PPP2R2B: variants seen among roughly 807,000 people sequenced by gnomAD.
The protein encoded by PPP2R2B is protein phosphatase 2 regulatory subunit Bbeta.
PPP2R2B carries 5 observed loss-of-function variants against 46.0 expected under a neutral mutation model. The ratio of observed to expected loss-of-function variants is 0.11; its 90% CI spans 0.06 to 0.23. The LOEUF is 0.23. Among genes scored for constraint, PPP2R2B ranks in the 10% least tolerant of loss-of-function variants. The pLI, the probability that PPP2R2B is intolerant of heterozygous loss-of-function variation, is 1.00. For synonymous variants in PPP2R2B, 215 were observed against 206.7 expected, an observed-to-expected ratio of 1.04 and a Z score of -0.34; for missense variants, 367 against 575.0, an observed-to-expected ratio of 0.64 and a Z score of 3.70.
At chr5:146,610,119 A>C (rs1436218555) in intron 7 of PPP2R2B, among the ~76,000 whole-genome samples, 2 of 52,614 alleles carry the variant, frequency 3.8e-5, no homozygotes, top group Non-Finnish European at 6.3e-5. Context: ...TGAAGAGAGC[A>C]GTGGTTCTCC....
rs184017685 is a variant in PPP2R2B, at chr5:146,810,377, G to A, written c.70+67625C>T. On this transcript the variant is annotated intron_variant, in intron 2 of 9. Coordinates refer to ENST00000394411, the MANE Select transcript of PPP2R2B (RefSeq NM_181675.4). ...TCCCGTTATAAAACCATCAGATTGCGTGAGACTTACTCACTACCATGAAAA... is the reference window on the plus strand; with the variant it reads ...TCCCGTTATAAAACCATCAGATTGCATGAGACTTACTCACTACCATGAAAA... 1.1e-4 allele frequency among the ~76,000 whole-genome samples: 16 copies of A among 152,254 alleles called. No individual in the cohort carries two copies. The East Asian group carries it at 1.2e-3, about 11-fold the overall frequency.
chr5:146,816,852 T>C (rs550481802), intron 2 of PPP2R2B, among the ~76,000 whole-genome samples: 1 of 152,326 alleles, frequency 6.6e-6, no homozygotes, highest in East Asian at 1.9e-4. Flanking sequence ...ACAGTCAGTT[T>C]GGGTGGGGCC....
At chr5:146,735,339 C>T (rs1456107076) in intron 2 of PPP2R2B, among the ~76,000 whole-genome samples, 1 of 151,358 alleles carries the variant, frequency 6.6e-6, no homozygotes, top group Non-Finnish European at 1.5e-5. Context: ...CCCCCACAAT[C>T]CTTCTACTCT....
chr5:146,671,370 G>A (rs770725556), intron 5 of PPP2R2B, among the ~76,000 whole-genome samples: 23 of 152,142 alleles, frequency 1.5e-4, no homozygotes, highest in Admixed American at 3.9e-4. Context: ...ATTAAGAACC[G>A]CTAAATGGTG....
intron 2 of PPP2R2B, among the ~76,000 whole-genome samples, chr5:147,080,202 C>A (rs996860720): frequency 6.6e-6 from 1 of 152,140 alleles, no homozygotes; most frequent in African/African-American, 2.4e-5. Flanking sequence ...AGTTCACATG[C>A]ATTTATGCAT....
chr5:146,638,521 T>G, intron 6 of PPP2R2B, 106 bp from the exon 7 acceptor site: 1 of 1,077,756 alleles, frequency 9.3e-7, no homozygotes, highest in Non-Finnish European at 1.3e-6. Context: ...ATGTCAACAT[T>G]TGCTATGCAC....
rs1263157487 is a variant in PPP2R2B at position 146,927,588 on chromosome 5, A to G, written c.79+128077T>C. 3.3e-5 allele frequency among the ~76,000 whole-genome samples: 5 copies of G among 152,024 alleles called. No individual in the cohort carries two copies. In the East Asian group the frequency reaches 9.7e-4, roughly 29 times the overall value. On this transcript the variant is annotated intron_variant, in intron 1 of 8. Coordinates refer to the PPP2R2B transcript ENST00000336640. ...TATCTGATGCTGCCTGCATGCTGTT[A>G]CACCTGTCACAACTCTAGCACACAT...
Position 147,030,262 on chromosome 5 carries a change from AC to A in PPP2R2B, c.79+25402del, listed in dbSNP as rs1237802511. Among the ~76,000 whole-genome samples the A allele has an allele frequency of 3.3e-5, 5 of 152,086 alleles. 1 individual carries two copies. The highest frequency in any genetic ancestry group is 1.2e-4 in the African/African-American group (5 of 41,478). On this transcript the variant is annotated intron_variant, in intron 1 of 8. Transcript: ENST00000336640. Reference sequence around the variant, plus strand: ...TTATGTTGCTCTTATAAATGATATAACCCCCCAAATCATTTTAAATGTTTTT... The same window carrying A: ...TTATGTTGCTCTTATAAATGATATAACCCCCAAATCATTTTAAATGTTTTT...
chr5:147,063,881 C>T (rs536394514), intron 2 of PPP2R2B, among the ~76,000 whole-genome samples: 3 of 152,152 alleles, frequency 2.0e-5, no homozygotes, highest in Non-Finnish European at 4.4e-5. Context: ...ACAGAATAGG[C>T]ATTTGAGTAA....
intron 2 of PPP2R2B, among the ~76,000 whole-genome samples, chr5:146,863,201 A>C (rs190121597): frequency 6.6e-6 from 1 of 152,266 alleles, no homozygotes; most frequent in Admixed American, 6.5e-5. Flanking sequence ...AAGTGACCAG[A>C]AGGTCTTGAC....
At chr5:146,617,797 C>A (rs1288201396) in intron 7 of PPP2R2B, among the ~76,000 whole-genome samples, 1 of 151,774 alleles carries the variant, frequency 6.6e-6, no homozygotes, top group South Asian at 2.1e-4. Flanking sequence ...TGGGTTCAAG[C>A]GATTCTTGTG....
intron 7 of PPP2R2B, among the ~76,000 whole-genome samples, chr5:146,633,913 T>C (rs1180906938): frequency 6.6e-6 from 1 of 152,216 alleles, no homozygotes; most frequent in African/African-American, 2.4e-5. Flanking sequence ...CACCTCTACT[T>C]GTACCAGCAC....
intron 1 of PPP2R2B, among the ~76,000 whole-genome samples, chr5:147,007,517 G>C (rs550734439): frequency 2.6e-5 from 4 of 152,230 alleles, no homozygotes; most frequent in African/African-American, 9.6e-5. Context: ...GCCAAATAAG[G>C]GAATAAAAGC....
At chr5:146,911,371 G>T (rs561372236) in intron 1 of PPP2R2B, among the ~76,000 whole-genome samples, 7 of 151,994 alleles carry the variant, frequency 4.6e-5, no homozygotes, top group Non-Finnish European at 1.0e-4. Flanking sequence ...GGTAAGCCAC[G>T]GTGGCCAGCC....
intron 1 of PPP2R2B, among the ~76,000 whole-genome samples, chr5:146,920,922 C>G (rs1029606501): frequency 5.3e-5 from 8 of 152,160 alleles, no homozygotes; most frequent in Admixed American, 6.5e-5. Context: ...CCACCAAAAC[C>G]TCTTTGGAGA....
chr5:146,953,474 T>G (rs1751721789), intron 1 of PPP2R2B, among the ~76,000 whole-genome samples: 1 of 152,112 alleles, frequency 6.6e-6, no homozygotes, highest in Non-Finnish European at 1.5e-5. Flanking sequence ...TTTCAAACGA[T>G]GGGAACCTCA....
chr5:146,593,922 G>A (rs528912189), intron 8 of PPP2R2B, among the ~76,000 whole-genome samples: 2 of 152,352 alleles, frequency 1.3e-5, no homozygotes, highest in African/African-American at 4.8e-5. Context: ...GTTATAACCT[G>A]AGTGATAGAT....
At chr5:146,726,957 C>T (rs545344180) in intron 2 of PPP2R2B, among the ~76,000 whole-genome samples, 62 of 152,230 alleles carry the variant, frequency 4.1e-4, no homozygotes, top group African/African-American at 1.5e-3. Context: ...TTTCTCCTGG[C>T]TCAAGGAGGC....
chr5:146,793,426 G>A (rs1756335787), intron 2 of PPP2R2B, among the ~76,000 whole-genome samples: 1 of 152,190 alleles, frequency 6.6e-6, no homozygotes, highest in African/African-American at 2.4e-5. Context: ...AGTCACAAGA[G>A]TAGATGAAAT....
Sources: gnomAD v4.1 joint callset for allele counts (sites outside exome capture counted in the v4.1 genomes callset) on GRCh38, gnomAD v4.1.1 for gene constraint, MANE v1.5 for transcripts, NCBI Gene and HGNC (gene_info 2026-07-23, HGNC 2026-07-21) for gene names.